The following ITFG1 variants were observed in gnomAD, a reference collection of about 807,000 sequenced individuals.
The protein encoded by ITFG1 is T-cell immunomodulatory protein.
In ITFG1, 34 loss-of-function variants were observed where a neutral mutation model predicts 81.8. That is an observed-to-expected ratio of 0.42 (90% confidence interval 0.32 to 0.55). The LOEUF (loss-of-function observed/expected upper bound fraction) is 0.55. Ranked by LOEUF, ITFG1 falls within the 20% of genes least tolerant of loss-of-function variation. The pLI, the probability that ITFG1 is intolerant of heterozygous loss-of-function variation, is 0.17. For missense variants in ITFG1, 672 were observed against 755.4 expected (o/e 0.89, Z 1.29); for synonymous variants, 285 against 270.6 (o/e 1.05, Z -0.52).
At chr16:47,192,214 T>C (rs1401598219) in intron 14 of ITFG1, among the ~76,000 whole-genome samples, 1 of 152,242 alleles carries the variant, frequency 6.6e-6, no homozygotes, top group African/African-American at 2.4e-5. Flanking sequence ...TTGTAATTTG[T>C]TGTTGAAAGC....
At chr16:47,354,057 C>T (rs1019234541) in intron 8 of ITFG1, among the ~76,000 whole-genome samples, 2 of 152,044 alleles carry the variant, frequency 1.3e-5, no homozygotes, top group South Asian at 2.1e-4. Flanking sequence ...AAAATCCTAA[C>T]GTTTGTGTGG....
intron 16 of ITFG1, among the ~76,000 whole-genome samples, chr16:47,160,572 C>T (rs1374519495): frequency 1.3e-5 from 2 of 151,924 alleles, no homozygotes; most frequent in African/African-American, 4.8e-5. Context: ...CACAAACATA[C>T]AATACAGGCT....
At chr16:47,365,430 G>C (rs748415333) in intron 8 of ITFG1, 1 of 176,644 alleles carries the variant, frequency 5.7e-6, no homozygotes, top group Non-Finnish European at 1.2e-5. Flanking sequence ...GGTTTTAAGA[G>C]GTCATATTAA....
chr16:47,352,077 T>G (rs1967966862), intron 8 of ITFG1, among the ~76,000 whole-genome samples: 1 of 152,202 alleles, frequency 6.6e-6, no homozygotes, highest in African/African-American at 2.4e-5. Flanking sequence ...ACTAAAGACT[T>G]AAATGTTAGA....
chr16:47,345,291 CTT>C (rs113155280), intron 8 of ITFG1, among the ~76,000 whole-genome samples: 2 of 145,218 alleles, frequency 1.4e-5, no homozygotes, highest in African/African-American at 2.5e-5. Context: ...CAAAAAAACT[CTT>C]TTTTTTTTTG....
At chr16:47,396,754 C>A (rs756210078) in intron 6 of ITFG1, among the ~76,000 whole-genome samples, 1 of 152,140 alleles carries the variant, frequency 6.6e-6, no homozygotes, top group Non-Finnish European at 1.5e-5. Flanking sequence ...ATCCAAAAAG[C>A]GTTGCAGGGA....
At chr16:47,372,964 T>C (rs534598922) in intron 7 of ITFG1, among the ~76,000 whole-genome samples, 52 of 152,352 alleles carry the variant, frequency 3.4e-4, no homozygotes, top group Non-Finnish European at 5.7e-4. Flanking sequence ...CTATCTGATA[T>C]GCAGTGGCCA....
intron 10 of ITFG1, among the ~76,000 whole-genome samples, chr16:47,298,403 T>C (rs909945039): frequency 6.6e-6 from 1 of 152,212 alleles, no homozygotes; most frequent in Non-Finnish European, 1.5e-5. Flanking sequence ...TTCAGCATTA[T>C]TACACTGATT....
chr16:47,226,712 AT>A (rs1281773145), intron 13 of ITFG1, among the ~76,000 whole-genome samples: 3 of 151,720 alleles, frequency 2.0e-5, no homozygotes, highest in Admixed American at 1.3e-4. Context: ...GTGAGGCTGA[AT>A]TTTTTTCATC....
At chr16:47,174,934 AT>A (rs1965006724) in intron 14 of ITFG1, among the ~76,000 whole-genome samples, 1 of 152,260 alleles carries the variant, frequency 6.6e-6, no homozygotes, top group African/African-American at 2.4e-5. Flanking sequence ...AAGATATAAG[AT>A]AAAAGGACAC....
intron 10 of ITFG1, among the ~76,000 whole-genome samples, chr16:47,299,117 G>C (rs1047987433): frequency 6.6e-6 from 1 of 152,150 alleles, no homozygotes; most frequent in African/African-American, 2.4e-5. Flanking sequence ...TGACAGGCAG[G>C]AATGAGATCT....
At chr16:47,230,787 C>T (rs572615759) in intron 13 of ITFG1, among the ~76,000 whole-genome samples, 2 of 152,292 alleles carry the variant, frequency 1.3e-5, no homozygotes, top group Non-Finnish European at 2.9e-5. Context: ...CTCGCTCTGT[C>T]GCCCAGGCTG....
At chr16:47,450,437 C>T (rs930488210) in intron 5 of ITFG1, 2 of 419,898 alleles carry the variant, frequency 4.8e-6, no homozygotes, top group Non-Finnish European at 9.3e-6. Flanking sequence ...AGATGGGGCG[C>T]GTTCAGGGTG....
Position 47,338,549 on chromosome 16 carries a change from C to T in ITFG1, c.803-24726G>A, listed in dbSNP as rs1967739627. On this transcript the variant is annotated intron_variant, in intron 8 of 17. Transcript: ENST00000320640. ...GGTTTAGAGCAAAAAAATCACAAGG[C>T]ATACAAAGAACAAAAAATTTATAGC... Among the ~76,000 whole-genome samples, 3 of 151,876 alleles carry T rather than the reference C, an allele frequency of 2.0e-5. No individual in the cohort carries two copies. The South Asian group carries it at 6.2e-4, about 32-fold the overall frequency.
chr16:47,385,504 T>A (rs1381041446), intron 6 of ITFG1, among the ~76,000 whole-genome samples: 1 of 152,196 alleles, frequency 6.6e-6, no homozygotes, highest in Non-Finnish European at 1.5e-5. Flanking sequence ...CAGAAACAAG[T>A]ATAATAGTGA....
chr16:47,182,916 C>T (rs186350462), intron 14 of ITFG1, among the ~76,000 whole-genome samples: 2 of 152,132 alleles, frequency 1.3e-5, no homozygotes, highest in South Asian at 2.1e-4. Flanking sequence ...GTGCGCACAC[C>T]GTGCGCGAGC....
rs114132898 is a variant in ITFG1, at chr16:47,296,905, T to C, written c.1070+14335A>G. Among the ~76,000 whole-genome samples the C allele has an allele frequency of 8.6e-3, 1,307 of 152,318 alleles. 18 individuals are homozygous for C. Among genetic ancestry groups the C allele is most frequent in the African/African-American group, 0.029 (1,223 of 41,564 alleles). Reference sequence around the variant, plus strand: ...TTCCATGTTCCGATGAGAAGAATTATATGGTTAGAATGTTCCACATGTGTC... The same window carrying C: ...TTCCATGTTCCGATGAGAAGAATTACATGGTTAGAATGTTCCACATGTGTC... On this transcript the variant is annotated intron_variant, in intron 10 of 17. Transcript: ENST00000320640.
intron 14 of ITFG1, among the ~76,000 whole-genome samples, chr16:47,195,691 T>C (rs1051419667): frequency 2.0e-5 from 3 of 152,218 alleles, no homozygotes; most frequent in African/African-American, 7.2e-5. Flanking sequence ...TTTTTGTTTG[T>C]CTGATAGCCT....
chr16:47,457,937 C>T (rs1567507145), intron 2 of ITFG1, among the ~76,000 whole-genome samples: 1 of 152,170 alleles, frequency 6.6e-6, no homozygotes, highest in Non-Finnish European at 1.5e-5. Flanking sequence ...TAACTTTCCC[C>T]TCAAAGTTCT....
Sources: gnomAD v4.1 joint callset for allele counts (sites outside exome capture counted in the v4.1 genomes callset) on GRCh38, gnomAD v4.1.1 for gene constraint, MANE v1.5 for transcripts, NCBI Gene and HGNC (gene_info 2026-07-23, HGNC 2026-07-21) for gene names.